HPX: variants seen among roughly 807,000 people sequenced by gnomAD.
HPX encodes the protein beta-1B-glycoprotein.
A neutral mutation model predicts 53.8 loss-of-function variants in HPX; 42 were observed. The ratio of observed to expected loss-of-function variants is 0.78; its 90% CI spans 0.61 to 1.01. The LOEUF (loss-of-function observed/expected upper bound fraction) is 1.01. Among genes scored for constraint, HPX ranks in the 50% least tolerant of loss-of-function variants. HPX has a pLI of 0.00. For missense variants in HPX, 547 were observed against 594.3 expected, an observed-to-expected ratio of 0.92 and a Z score of 0.83; for synonymous variants, 229 against 221.1, an observed-to-expected ratio of 1.04 and a Z score of -0.32.
In HPX at chr11:6,439,009, C is replaced by T. The variant is rs74053384; in HGVS notation, c.337-500G>A. On this transcript the variant is annotated intron_variant, in intron 4 of 9. Transcript: ENST00000265983. Reference sequence around the variant, plus strand: ...CCTGCAATCCTAGCCATGCAACTACCAAGGTGTAGTGTAAAGAGTGCACTG... The same window carrying T: ...CCTGCAATCCTAGCCATGCAACTACTAAGGTGTAGTGTAAAGAGTGCACTG... Among the ~76,000 whole-genome samples the T allele has an allele frequency of 4.0e-3, 616 of 152,288 alleles. 6 individuals carry two copies. The highest frequency in any genetic ancestry group is 0.014 in the African/African-American group (594 of 41,548).
intron 7 of HPX, among the ~76,000 whole-genome samples, chr11:6,433,198 C>T (rs773257899): frequency 2.6e-5 from 4 of 152,190 alleles, no homozygotes; most frequent in Non-Finnish European, 5.9e-5. Context: ...TATTTAGAGA[C>T]GGAGTTTCAC....
In HPX at chr11:6,431,252, G is replaced by T. The variant is rs1292665952; in HGVS notation, c.1348C>A (p.Gln450Lys). 6.2e-7 allele frequency: 1 copy of T among 1,614,154 alleles called. No individual in the cohort carries two copies. The highest frequency in any genetic ancestry group is 8.5e-7 in the Non-Finnish European group (1 of 1,180,058). ...AGGAGACTGGTCACATTCTGGGGTT[G>T]CGGAAGGGCCTTGGCTGCATTCAGT... is the stretch of plus-strand genomic sequence containing the variant. ...EKLNAAKALP[Q>K]PQNVTSLLGC... The change falls in exon 10 of 10, where the codon CAA becomes AAA. Residue 450 changes from glutamine (Q) to lysine (K), a missense_variant. Physicochemically the swap from Gln to Lys is moderately conservative, Grantham distance 53. Transcript: ENST00000265983.
chr11:6,432,601 G>A (rs181658651), intron 7 of HPX, among the ~76,000 whole-genome samples: 5 of 152,158 alleles, frequency 3.3e-5, no homozygotes, highest in African/African-American at 9.6e-5. Flanking sequence ...TCTTATCCAG[G>A]TTGCTAGTAT....
rs1346599089 is a variant in HPX, at chr11:6,440,654, A to C, written c.142+18T>G. The C allele has an allele frequency of 1.1e-5, 18 of 1,607,170 alleles. No individual in the cohort carries two copies. The highest frequency in any genetic ancestry group is 1.4e-5 in the Non-Finnish European group (17 of 1,176,158). Reference sequence around the variant, plus strand: ...ACAACCAGACAGATAAGACAGACTTAGGGAGTCAGGGCCTCACCAGTCACG... The same window carrying C: ...ACAACCAGACAGATAAGACAGACTTCGGGAGTCAGGGCCTCACCAGTCACG... On this transcript the variant is annotated intron_variant, in intron 2 of 9. Transcript: ENST00000265983.
At position 6,431,453 on chromosome 11, in the gene HPX, G is replaced by A; in HGVS notation, c.1147C>T (p.Leu383=). Reference sequence around the variant, plus strand: ...GCTTGGGCTCCTGACTTCAGGTCCAGCCACCACAGCCGCCGTCCTGGGGAG... The same window carrying A: ...GCTTGGGCTCCTGACTTCAGGTCCAACCACCACAGCCGCCGTCCTGGGGAG... ...HIMAGRRLWW[L]DLKSGAQATW... The change falls in exon 10 of 10, where the codon CTG becomes TTG. Residue 383 remains leucine (L), a synonymous_variant. Transcript: ENST00000265983. The A allele has an allele frequency of 6.2e-7, 1 of 1,614,108 alleles. No homozygotes were observed. Among genetic ancestry groups the A allele is most frequent in the East Asian group, 2.2e-5 (1 of 44,886 alleles).
Position 6,431,791 on chromosome 11 carries a change from A to T in HPX, c.979T>A (p.Tyr327Asn). The change falls in exon 9 of 10, where the codon TAT becomes AAT. Residue 327 changes from tyrosine (Y) to asparagine (N), a missense_variant. Tyr to Asn is a moderately radical substitution (Grantham distance 143). Coordinates refer to ENST00000265983, the MANE Select transcript of HPX (RefSeq NM_000613.3). ...KLYLVQGTQV[Y>N]VFLTKGGYTL... The stretch of plus-strand genomic sequence containing the variant: ...TAGCCTCCCTTTGTCAGGAAGACAT[A>T]TACCTGGGTGCCCTGGAGGACAAAG... 6.2e-7 allele frequency: 1 copy of T among 1,614,134 alleles called. No homozygotes were observed. Among genetic ancestry groups the T allele is most frequent in the Non-Finnish European group, 8.5e-7 (1 of 1,180,026 alleles).
At position 6,431,895 on chromosome 11, in the gene HPX, G is replaced by C. The variant is rs1021579188; in HGVS notation, c.958C>G (p.Leu320Val). ...TCTCCCCCAATACACACCTGGACCAGATAGAGTTTTTCTTCCCAGGAAAAG... is the reference window on the plus strand; with the variant it reads ...TCTCCCCCAATACACACCTGGACCACATAGAGTTTTTCTTCCCAGGAAAAG... ...AAFSWEEKLYLVQGTQVYVFL... is the reference protein window; with the variant it reads ...AAFSWEEKLYVVQGTQVYVFL... The change falls in exon 8 of 10, where the codon CTG becomes GTG. Residue 320 changes from leucine to valine, a missense_variant. Transcript: ENST00000265983. 17 of 1,614,182 alleles carry C rather than the reference G, an allele frequency of 1.1e-5. No individual in the cohort carries two copies. In the East Asian group the frequency reaches 3.8e-4, roughly 36 times the overall value.
rs762554497 is a variant in HPX at position 6,440,544 on chromosome 11, G to A, written c.143-6C>T. ...CCAGCCATCTGAGCAGCGTTCTGGG[G>A]TGGAGGTAGGGAGATGGCAAAGTAA... On this transcript the variant is annotated splice_region_variant and splice_polypyrimidine_tract_variant and intron_variant, in intron 2 of 9. Coordinates refer to ENST00000265983, the MANE Select transcript of HPX (RefSeq NM_000613.3). The A allele has an allele frequency of 4.3e-6, 6 of 1,386,320 alleles. No individual in the cohort carries two copies. The highest frequency in any genetic ancestry group is 5.0e-6 in the Non-Finnish European group (5 of 1,000,402). The allele number at this position is 1,386,320 out of a possible 1,614,324, so 85.9% of individuals were successfully genotyped here.
chr11:6,438,435 A>T lies in HPX; in HGVS notation c.411T>A (p.Pro137=). The T allele has an allele frequency of 6.2e-7, 1 of 1,614,104 alleles. No homozygotes were observed. Among genetic ancestry groups the T allele is most frequent in the Non-Finnish European group, 8.5e-7 (1 of 1,179,938 alleles). Residue 137 remains proline (P), a synonymous_variant, in exon 5 of 10, where the codon CCT becomes CCA. Coordinates refer to ENST00000265983, the MANE Select transcript of HPX (RefSeq NM_000613.3). ...GYPKLLQDEF[P]GIPSPLDAAV... is the part of the protein sequence containing the mutation. The stretch of plus-strand genomic sequence containing the variant: ...CTGCATCCAGTGGGGATGGGATTCC[A>T]GGAAATTCATCTTGGAGCAACTTTG...
In HPX at chr11:6,434,043, C is replaced by A. The variant is rs74923015; in HGVS notation, c.836-2026G>T. Among the ~76,000 whole-genome samples, 122 of 152,312 alleles carry A rather than the reference C, an allele frequency of 8.0e-4. 3 individuals are homozygous for A. The East Asian group carries it at 0.022, about 27-fold the overall frequency. On this transcript the variant is annotated intron_variant, in intron 7 of 9. Transcript: ENST00000265983. ...ACCCTTAATATTACCTAAAATTATT[C>A]TCTTTCTTCCTTTCTCTTTCTTATT...
Position 6,431,445 on chromosome 11 carries a change from CA to C in HPX, c.1154del (p.Leu385ArgfsTer19). 2 of 1,614,172 alleles carry C rather than the reference CA, an allele frequency of 1.2e-6. No homozygotes were observed. The highest frequency in any genetic ancestry group is 1.7e-6 in the Non-Finnish European group (2 of 1,180,020). ...MAGRRLWWLD[L>X]KSGAQATWTE... is the part of the protein sequence containing the mutation. ...TCCACGTGGCTTGGGCTCCTGACTT[CA>C]GGTCCAGCCACCACAGCCGCCGTCC... On this transcript the variant is annotated frameshift_variant, in exon 10 of 10. Coordinates refer to ENST00000265983, the MANE Select transcript of HPX (RefSeq NM_000613.3). LOFTEE classifies it high-confidence loss of function.
Position 6,440,172 on chromosome 11 carries a change from A to T in HPX, c.329T>A (p.Leu110Gln). 1.2e-6 allele frequency: 2 copies of T among 1,614,128 alleles called. No individual in the cohort carries two copies. Among genetic ancestry groups the T allele is most frequent in the Non-Finnish European group, 1.7e-6 (2 of 1,180,044 alleles). Residue 110 changes from leucine (L) to glutamine (Q), a missense_variant, in exon 4 of 10, where the codon CTG (leucine) becomes CAG (glutamine). By Grantham distance (113) the Leu-to-Gln change is moderately radical. Transcript: ENST00000265983. Reference sequence around the variant, plus strand: ...ATTTTGGCCCAGCAGTACCTTGATCAGAAAGACACTGTTGTGACCTTGACG... The same window carrying T: ...ATTTTGGCCCAGCAGTACCTTGATCTGAAAGACACTGTTGTGACCTTGACG... The part of the protein sequence containing the change: ...AFRQGHNSVF[L>Q]IKGDKVWVYP...
In HPX at chr11:6,440,985, G is replaced by A. The variant is rs572059454; in HGVS notation, c.-22C>T. 2.2e-5 allele frequency: 34 copies of A among 1,570,846 alleles called. No homozygotes were observed. The highest frequency in any genetic ancestry group is 3.0e-5 in the Non-Finnish European group (34 of 1,150,984). ...CCATGCTGAGCTGCAGAGGCCACAG[G>A]ACAGCTCTGGGTGACCAGTTGAACT... On this transcript the variant is annotated 5_prime_UTR_variant, in exon 1 of 10. Transcript: ENST00000265983.
At chr11:6,434,358 C>A (rs1849389442) in intron 7 of HPX, among the ~76,000 whole-genome samples, 1 of 152,134 alleles carries the variant, frequency 6.6e-6, no homozygotes, top group Admixed American at 6.5e-5. Flanking sequence ...GAGACAGGGT[C>A]TCAATCTGTC....
At chr11:6,433,633 GTACTTTTA>G (rs1254400429) in intron 7 of HPX, among the ~76,000 whole-genome samples, 1 of 152,194 alleles carries the variant, frequency 6.6e-6, no homozygotes, top group Non-Finnish European at 1.5e-5. Flanking sequence ...TTACATGCTT[GTACTTTTA>G]TAACTTATGT....
chr11:6,437,023 G>C (rs2291482), intron 7 of HPX, 23 bp downstream of exon 7: 25 of 1,612,500 alleles, frequency 1.6e-5, no homozygotes, highest in South Asian at 1.5e-4. Flanking sequence ...GAGCACATTG[G>C]GGGAGTTGGG....
intron 4 of HPX, among the ~76,000 whole-genome samples, chr11:6,439,103 T>C (rs948325105): frequency 9.9e-5 from 15 of 152,072 alleles, no homozygotes; most frequent in African/African-American, 2.7e-4. Context: ...AGAGGAAGCA[T>C]TGGGCCCAAG....
At chr11:6,437,020 T>C (rs374161239) in intron 7 of HPX, 26 bp downstream of exon 7, 41 of 1,611,636 alleles carry the variant, frequency 2.5e-5, no homozygotes, top group South Asian at 3.3e-5. Context: ...TGAGAGCACA[T>C]TGGGGGAGTT....
intron 7 of HPX, among the ~76,000 whole-genome samples, chr11:6,433,361 G>A (rs1242916651): frequency 1.3e-5 from 2 of 152,214 alleles, no homozygotes; most frequent in African/African-American, 4.8e-5. Flanking sequence ...ATTTTTAGTA[G>A]AGACGAGGTT....
Sources: gnomAD v4.1 joint callset for allele counts (sites outside exome capture counted in the v4.1 genomes callset) on GRCh38, gnomAD v4.1.1 for gene constraint, MANE v1.5 for transcripts, NCBI Gene and HGNC (gene_info 2026-07-23, HGNC 2026-07-21) for gene names.